ANKRD11: variants seen among roughly 807,000 people sequenced by gnomAD.
The protein encoded by ANKRD11 is ankyrin repeat domain 11, also known as ankyrin repeat domain-containing protein 11.
ANKRD11 carries 17 observed loss-of-function variants against 195.7 expected under a neutral mutation model. The ratio of observed to expected loss-of-function variants is 0.09; its 90% CI spans 0.06 to 0.13. The LOEUF (loss-of-function observed/expected upper bound fraction) is 0.13. Among genes scored for constraint, ANKRD11 ranks in the 10% least tolerant of loss-of-function variants. The probability of loss-of-function intolerance (pLI) is 1.00; values close to 1 mark genes in which losing one functional copy is unlikely to be tolerated. For missense variants in ANKRD11, 3,735 were observed against 3,566.1 expected (o/e 1.05, Z -1.21); for synonymous variants, 1,953 against 1,528.1 (o/e 1.28, Z -6.49).
intron 2 of ANKRD11, among the ~76,000 whole-genome samples, chr16:89,321,914 AAGCCATTCGTGG>A (rs1431528521): frequency 1.1e-4 from 17 of 152,248 alleles, no homozygotes; most frequent in Non-Finnish European, 2.2e-4. Context: ...CGGAGGACGA[AAGCCATTCGTGG>A]AGACCCGCTG....
At chr16:89,367,683 C>T (rs1279628359) in intron 2 of ANKRD11, among the ~76,000 whole-genome samples, 4 of 152,190 alleles carry the variant, frequency 2.6e-5, no homozygotes, top group African/African-American at 9.6e-5. Flanking sequence ...CTCCAAGCAG[C>T]AACAGCTGCA....
intron 1 of ANKRD11, among the ~76,000 whole-genome samples, chr16:89,485,481 C>G (rs1460423609): frequency 6.6e-6 from 1 of 152,126 alleles, no homozygotes; most frequent in East Asian, 1.9e-4. Flanking sequence ...GTGACAGAGA[C>G]TCTGTCTCAA....
intron 2 of ANKRD11, among the ~76,000 whole-genome samples, chr16:89,354,243 CAAA>C (rs5818711): frequency 6.3e-5 from 8 of 126,204 alleles, no homozygotes; most frequent in Non-Finnish European, 8.5e-5. Flanking sequence ...TGCATTCAGC[CAAA>C]AAAAAAAAAA....
chr16:89,313,211 A>G, intron 3 of ANKRD11: 1 of 1,144,980 alleles, frequency 8.7e-7, no homozygotes, highest in South Asian at 1.4e-5. Flanking sequence ...CTGTGCTCTG[A>G]GTGGCGTGCA....
chr16:89,369,441 G>A (rs1487128584), intron 2 of ANKRD11, among the ~76,000 whole-genome samples: 4 of 152,154 alleles, frequency 2.6e-5, no homozygotes, highest in Non-Finnish European at 5.9e-5. Flanking sequence ...GCGCCTCCAC[G>A]GCACCAAGCT....
At chr16:89,365,193 A>G (rs960744701) in intron 2 of ANKRD11, among the ~76,000 whole-genome samples, 10 of 152,146 alleles carry the variant, frequency 6.6e-5, no homozygotes, top group South Asian at 2.1e-4. Flanking sequence ...AGTGATGACT[A>G]TCTTGTTGGC....
At chr16:89,294,613 C>G (rs182073390) in intron 4 of ANKRD11, among the ~76,000 whole-genome samples, 161 of 152,338 alleles carry the variant, frequency 1.1e-3, no homozygotes, top group African/African-American at 3.8e-3. Context: ...GCGAGACCCC[C>G]ATGTGCCACA....
intron 2 of ANKRD11, among the ~76,000 whole-genome samples, chr16:89,384,887 T>C (rs897596297): frequency 5.2e-5 from 6 of 116,272 alleles, no homozygotes; most frequent in South Asian, 3.4e-4. Flanking sequence ...TTCTTTTTTT[T>C]TTTTTTTTTT....
intron 2 of ANKRD11, among the ~76,000 whole-genome samples, chr16:89,382,336 T>TA (rs11387217): frequency 0.35 from 50,445 of 145,778 alleles, 9,775 homozygotes; most frequent in Middle Eastern, 0.53. Context: ...TATATATATA[T>TA]TTTTTTAAAG....
At chr16:89,296,005 T>TTTTTTTTTTTTTTG in intron 4 of ANKRD11, among the ~76,000 whole-genome samples, 1 of 137,764 alleles carries the variant, frequency 7.3e-6, no homozygotes, top group African/African-American at 2.8e-5. Context: ...TTTTTTTTTT[T>TTTTTTTTTTTTTTG]TGAGACAAGG....
rs183302441 is a variant in ANKRD11, at chr16:89,415,511, G to A, written c.-60+2773C>T. 2.6e-4 allele frequency among the ~76,000 whole-genome samples: 37 copies of A among 143,758 alleles called. 2 individuals carry two copies. Among genetic ancestry groups the A allele is most frequent in the African/African-American group, 7.2e-4 (27 of 37,686 alleles). The allele number at this position is 143,758 out of a possible 152,430, so 94.3% of individuals were successfully genotyped here. A position where few individuals can be genotyped will look rare whatever the true frequency, so the allele number is the denominator to read the frequency against. ...GATCTCCTGACCTCATGATCCACCC[G>A]CCTCGGCCTCCCAAAGTGCTGGGAT... On this transcript the variant is annotated intron_variant, in intron 2 of 12. Coordinates refer to ENST00000301030, the MANE Select transcript of ANKRD11 (RefSeq NM_013275.6).
Position 89,284,795 on chromosome 16 carries a change from C to T in ANKRD11, c.1747G>A (p.Gly583Ser). ...GGCTTCAGCGATTCCACACTGGAGCCCTCAGAGGAGTAGTCAGACTCGCTT... is the reference window on the plus strand; with the variant it reads ...GGCTTCAGCGATTCCACACTGGAGCTCTCAGAGGAGTAGTCAGACTCGCTT... ...LTSESDYSSE[G>S]SSVESLKPVR... Residue 583 changes from glycine to serine, a missense_variant, in exon 9 of 13, where the codon GGC becomes AGC. Transcript: ENST00000301030. 1 of 1,613,672 alleles carries T rather than the reference C, an allele frequency of 6.2e-7. No homozygotes were observed. The highest frequency in any genetic ancestry group is 8.5e-7 in the Non-Finnish European group (1 of 1,180,020).
intron 1 of ANKRD11, among the ~76,000 whole-genome samples, chr16:89,481,754 T>TTGGA (rs1417887425): frequency 1.3e-5 from 2 of 152,206 alleles, no homozygotes; most frequent in Non-Finnish European, 2.9e-5. Context: ...TTCCATCTTC[T>TTGGA]TGGATGGGCT....
At chr16:89,401,057 T>C (rs1597289157) in intron 2 of ANKRD11, among the ~76,000 whole-genome samples, 1 of 152,134 alleles carries the variant, frequency 6.6e-6, no homozygotes, top group African/African-American at 2.4e-5. Flanking sequence ...GGCCCTCAAG[T>C]TGTCTCAGTA....
rs917333551 is a variant in ANKRD11, at chr16:89,291,266, G to A, written c.227-83C>T. ...AGCTAGGTCCTTACCTAATGTTACG[G>A]AGCCCCCTGCGTCCACCTGACAGCT... On this transcript the variant is annotated intron_variant, in intron 4 of 12. Transcript: ENST00000301030. This position sits in a 1 kb window ranked among gnomAD's most constrained non-coding sequence, Gnocchi z 5.3. The A allele has an allele frequency of 2.9e-5, 45 of 1,537,192 alleles. No individual in the cohort carries two copies. Among genetic ancestry groups the A allele is most frequent in the Non-Finnish European group, 3.9e-5 (44 of 1,128,106 alleles).
At chr16:89,440,490 C>T (rs1219834899) in intron 1 of ANKRD11, among the ~76,000 whole-genome samples, 1 of 152,082 alleles carries the variant, frequency 6.6e-6, no homozygotes, top group Non-Finnish European at 1.5e-5. Flanking sequence ...GAGGTGTGCA[C>T]CTGTAGTCCC....
chr16:89,313,083 A>G (rs1567626754), intron 3 of ANKRD11, among the ~76,000 whole-genome samples: 1 of 152,098 alleles, frequency 6.6e-6, no homozygotes, highest in African/African-American at 2.4e-5. Context: ...ACAGCTCGCC[A>G]GGTCTCAGTG....
At chr16:89,306,898 C>T (rs1376542214) in intron 3 of ANKRD11, among the ~76,000 whole-genome samples, 1 of 152,116 alleles carries the variant, frequency 6.6e-6, no homozygotes, top group Non-Finnish European at 1.5e-5. Flanking sequence ...GCGCCACCTA[C>T]CTCCCACTCC....
At chr16:89,482,269 G>C (rs1457705262) in intron 1 of ANKRD11, among the ~76,000 whole-genome samples, 1 of 152,188 alleles carries the variant, frequency 6.6e-6, no homozygotes, top group African/African-American at 2.4e-5. Flanking sequence ...GCAGTCAGGT[G>C]AGCCACACGT....
Sources: allele counts gnomAD v4.1 joint callset (sites outside exome capture counted in the v4.1 genomes callset), GRCh38; gene constraint gnomAD v4.1.1; non-coding constraint Gnocchi (gnomAD v3.1); transcripts MANE v1.5; gene names NCBI Gene and HGNC (gene_info 2026-07-23, HGNC 2026-07-21).